Variants in TNS1 observed in about 807,000 individuals in gnomAD.
TNS1 encodes the protein tensin-1.
In TNS1, 62 loss-of-function variants were observed where a neutral mutation model predicts 168.6. That is an observed-to-expected ratio of 0.37 (90% CI 0.30 to 0.45). The LOEUF (loss-of-function observed/expected upper bound fraction) is 0.45. Ranked by LOEUF, TNS1 falls within the 20% of genes least tolerant of loss-of-function variation. The probability of loss-of-function intolerance (pLI) is 1.00; values close to 1 mark genes in which losing one functional copy is unlikely to be tolerated. For missense variants in TNS1, 2,240 were observed against 2,339.4 expected (o/e 0.96, Z 0.88); for synonymous variants, 934 against 933.2 (o/e 1.00, Z -0.02).
chr2:217,982,039 G>A (rs182344529), intron 2 of TNS1, among the ~76,000 whole-genome samples: 3 of 152,312 alleles, frequency 2.0e-5, no homozygotes, highest in South Asian at 2.1e-4. Context: ...TGTGACTTCT[G>A]AGGCTAAACC....
At chr2:217,959,869 GC>G (rs1957454811) in intron 3 of TNS1, among the ~76,000 whole-genome samples, 2 of 151,480 alleles carry the variant, frequency 1.3e-5, no homozygotes, top group Non-Finnish European at 2.9e-5. Context: ...CTCCAGGAAT[GC>G]GGCTGGGGCT....
rs1417982726 is a variant in TNS1 at position 217,986,949 on chromosome 2, C to A, written c.148+3993G>T. The A allele has an allele frequency of 6.6e-6, 1 of 152,202 alleles. No homozygotes were observed. Among genetic ancestry groups the A allele is most frequent in the East Asian group, 1.9e-4 (1 of 5,190 alleles). The allele number at this position is 152,202 out of a possible 1,614,324, so 9.4% of individuals were successfully genotyped here. ...CGCGGAGGAGGTGAGCAGCAGCCTG[C>A]GTGGGGGAAGCTATCCTACCTCTGC... On this transcript the variant is annotated intron_variant, in intron 2 of 32. Transcript: ENST00000682258. The surrounding 1 kb of genome is among the most constrained non-coding windows in gnomAD (Gnocchi z 4.7).
intron 3 of TNS1, among the ~76,000 whole-genome samples, chr2:217,942,768 A>G (rs1057370945): frequency 6.8e-6 from 1 of 146,328 alleles, no homozygotes; most frequent in African/African-American, 2.5e-5. Flanking sequence ...TCACCCCCAC[A>G]ACCGCCTGCC....
chr2:217,994,400 G>C (rs913093179), intron 1 of TNS1, among the ~76,000 whole-genome samples: 3 of 152,118 alleles, frequency 2.0e-5, no homozygotes, highest in Non-Finnish European at 2.9e-5. Flanking sequence ...GGCTGTCTGG[G>C]GGAGGCAGAA....
chr2:217,831,399 C>T, intron 22 of TNS1, 56 bp downstream of exon 22: 3 of 1,453,874 alleles, frequency 2.1e-6, no homozygotes, highest in Non-Finnish European at 2.8e-6. Flanking sequence ...TGTCCAGAAC[C>T]ACAGGAGTCC....
Position 217,821,766 on chromosome 2 carries a change from G to A in TNS1, c.3546C>T (p.Thr1182=). 1 of 1,502,856 alleles carries A rather than the reference G, an allele frequency of 6.7e-7. No homozygotes were observed. The highest frequency in any genetic ancestry group is 8.9e-7 in the Non-Finnish European group (1 of 1,129,198). 93.1% of individuals were successfully genotyped at this position (1,502,856 alleles called of 1,614,324 possible). The part of the protein sequence containing the change: ...GSFVSPSPLS[T]SSPILSADST... ...TGTCAGCACTGAGGATGGGGCTGCT[G>A]GTGGAGAGGGGGCTGGGGGAGACAA... Residue 1182 remains threonine (T), a synonymous_variant, in exon 23 of 33, where the codon ACC becomes ACT. Transcript: ENST00000682258.
intron 1 of TNS1, among the ~76,000 whole-genome samples, chr2:218,020,260 C>T (rs565896875): frequency 2.6e-5 from 4 of 152,098 alleles, no homozygotes; most frequent in East Asian, 1.9e-4. Context: ...CAGCACCCCA[C>T]AGGCCCAATA....
At chr2:217,898,001 A>G (rs1952505513) in intron 7 of TNS1, 32 bp from the exon 8 acceptor site, 1 of 1,568,570 alleles carries the variant, frequency 6.4e-7, no homozygotes, top group Non-Finnish European at 8.6e-7. Context: ...GAGGGTCCAT[A>G]TCAGAATCCA....
chr2:218,001,597 G>A (rs1443203956), intron 1 of TNS1, among the ~76,000 whole-genome samples: 1 of 152,108 alleles, frequency 6.6e-6, no homozygotes, highest in Non-Finnish European at 1.5e-5. Flanking sequence ...CCATTTCCCA[G>A]ATGTCAACAC....
intron 27 of TNS1, among the ~76,000 whole-genome samples, chr2:217,812,952 G>A (rs1192589218): frequency 6.6e-6 from 1 of 152,232 alleles, no homozygotes; most frequent in Admixed American, 6.5e-5. Flanking sequence ...GGTCAATTAA[G>A]GCAGCTGATT....
At chr2:217,900,742 G>A in intron 6 of TNS1, 1 of 564,544 alleles carries the variant, frequency 1.8e-6, no homozygotes, top group South Asian at 2.2e-5. Context: ...GGGACAAAAG[G>A]AAGAATCCCG....
At chr2:217,905,397 C>A (rs978587897) in intron 6 of TNS1, 2 of 450,574 alleles carry the variant, frequency 4.4e-6, no homozygotes, top group Admixed American at 4.8e-5. Flanking sequence ...TAGGGCTGGA[C>A]ATGCAGGGCT....
intron 4 of TNS1, among the ~76,000 whole-genome samples, chr2:217,908,842 C>A (rs1954005720): frequency 6.6e-6 from 1 of 152,150 alleles, no homozygotes; most frequent in Admixed American, 6.5e-5. Flanking sequence ...CCTCCCACAC[C>A]TCTCCTCCAC....
intron 3 of TNS1, among the ~76,000 whole-genome samples, chr2:217,958,899 C>T (rs1008160576): frequency 1.3e-5 from 2 of 152,220 alleles, no homozygotes; most frequent in African/African-American, 4.8e-5. Context: ...GAATGAGGAA[C>T]TCAAACCTTC....
At chr2:217,829,634 G>A (rs6729561) in intron 22 of TNS1, among the ~76,000 whole-genome samples, 69,831 of 151,954 alleles carry the variant, frequency 0.46, 16,069 homozygotes, top group Admixed American at 0.48. Flanking sequence ...CTGAGCCAGC[G>A]CCTGGCAGCT....
At chr2:217,889,662 T>A (rs1156248144) in intron 12 of TNS1, among the ~76,000 whole-genome samples, 1 of 152,238 alleles carries the variant, frequency 6.6e-6, no homozygotes, top group African/African-American at 2.4e-5. Flanking sequence ...TGCCTTTTCT[T>A]TGCAGCTCTC....
intron 18 of TNS1, among the ~76,000 whole-genome samples, chr2:217,871,052 T>C (rs764497733): frequency 6.6e-6 from 1 of 152,122 alleles, no homozygotes; most frequent in Admixed American, 6.5e-5. Context: ...GGCCTCTATC[T>C]TGGCCTCTAT....
rs150065354 is a variant in TNS1 at position 217,815,099 on chromosome 2, T to C, written c.4643-101A>G. On this transcript the variant is annotated intron_variant, in intron 24 of 32. Transcript: ENST00000682258. ...CCAGTGCTTGTGAATTTGACCTTAT[T>C]TGGAAATAGGGTCTTTGCAGATGTA... 3.6e-3 allele frequency: 3,310 copies of C among 925,626 alleles called. 6 individuals carry two copies. The highest frequency in any genetic ancestry group is 7.2e-3 in the Middle Eastern group (32 of 4,448). 57.3% of individuals were successfully genotyped at this position (925,626 alleles called of 1,614,324 possible). A position where few individuals can be genotyped will look rare whatever the true frequency, so the allele number is the denominator to read the frequency against.
chr2:217,838,895 T>C (rs1945533517), intron 19 of TNS1, among the ~76,000 whole-genome samples: 1 of 152,082 alleles, frequency 6.6e-6, no homozygotes, highest in Admixed American at 6.5e-5. Flanking sequence ...GTCTGACTGA[T>C]AATAAAAATA....
Sources: gnomAD v4.1 joint callset for allele counts (sites outside exome capture counted in the v4.1 genomes callset) on GRCh38, gnomAD v4.1.1 for gene constraint, Gnocchi (gnomAD v3.1) non-coding constraint, MANE v1.5 for transcripts, NCBI Gene and HGNC (gene_info 2026-07-23, HGNC 2026-07-21) for gene names.